Variants in VSIG10L observed in about 807,000 individuals in gnomAD.
VSIG10L encodes V-set and immunoglobulin domain-containing protein 10-like.
Under a neutral mutation model 67.3 loss-of-function variants are expected in VSIG10L, and 63 were observed. That is an observed-to-expected ratio of 0.94 (90% CI 0.76 to 1.15). VSIG10L has a LOEUF of 1.15. Ranked by LOEUF, VSIG10L falls within the 50% of genes most tolerant of loss-of-function variation. The pLI, the probability that VSIG10L is intolerant of heterozygous loss-of-function variation, is 0.00. For missense variants in VSIG10L, 1,050 were observed against 1,177.5 expected (o/e 0.89, Z 1.58); for synonymous variants, 499 against 524.9 (o/e 0.95, Z 0.67).
At position 51,340,274 on chromosome 19, in the gene VSIG10L, C is replaced by G; in HGVS notation, c.1215G>C (p.Thr405=). The change falls in exon 4 of 10, where the codon ACG becomes ACC. Residue 405 remains threonine (T), a synonymous_variant. Transcript: ENST00000335624. This position sits in a 1 kb window ranked among gnomAD's most constrained non-coding sequence, Gnocchi z 6.3. ...VFYGPDPPTI[T]VSSDRDAAPA... Reference sequence around the variant, plus strand: ...GCGCGGCGTCGCGGTCCGAGGAGACCGTGATGGTCGGCGGGTCCGGGCCGT... The same window carrying G: ...GCGCGGCGTCGCGGTCCGAGGAGACGGTGATGGTCGGCGGGTCCGGGCCGT... 1 of 1,519,196 alleles carries G rather than the reference C, an allele frequency of 6.6e-7. No individual in the cohort carries two copies. The highest frequency in any genetic ancestry group is 8.8e-7 in the Non-Finnish European group (1 of 1,140,202). The allele number at this position is 1,519,196 out of a possible 1,614,324, so 94.1% of individuals were successfully genotyped here. A position where few individuals can be genotyped will look rare whatever the true frequency, so the allele number is the denominator to read the frequency against.
In VSIG10L at chr19:51,342,005, A is replaced by G; in HGVS notation, c.43T>C (p.Ser15Pro). The change falls in exon 2 of 10, where the codon TCC becomes CCC. Residue 15 changes from serine (S) to proline (P), a missense_variant and splice_region_variant. Ser to Pro is a moderately conservative substitution (Grantham distance 74). Coordinates refer to ENST00000335624, the MANE Select transcript of VSIG10L (RefSeq NM_001163922.3). This position sits in a 1 kb window ranked among gnomAD's most constrained non-coding sequence, Gnocchi z 4.4. ...QALPLFLLLASLVGILTLRAS... is the reference protein window; with the variant it reads ...QALPLFLLLAPLVGILTLRAS... ...CTGAGGGTGAGGATCCCTACCAAGGAGGCTGCAGAGAAGAGAGGAAGGCAT... is the reference window on the plus strand; with the variant it reads ...CTGAGGGTGAGGATCCCTACCAAGGGGGCTGCAGAGAAGAGAGGAAGGCAT... The G allele has an allele frequency of 6.4e-7, 1 of 1,551,714 alleles. No homozygotes were observed. The highest frequency in any genetic ancestry group is 8.7e-7 in the Non-Finnish European group (1 of 1,146,978).
Position 51,339,049 on chromosome 19 carries a change from G to A in VSIG10L, c.1568C>T (p.Ala523Val). The A allele has an allele frequency of 7.4e-7, 1 of 1,346,502 alleles. No homozygotes were observed. Among genetic ancestry groups the A allele is most frequent in the Non-Finnish European group, 9.6e-7 (1 of 1,041,266 alleles). 83.4% of individuals were successfully genotyped at this position (1,346,502 alleles called of 1,614,324 possible). ...FRCSWPGGAP[A>V]ASLQFQGLPE... Reference sequence around the variant, plus strand: ...GAGACCCTGGAACTGCAGGGAGGCAGCAGGGGCCCCGCCGGGCCACGAGCA... The same window carrying A: ...GAGACCCTGGAACTGCAGGGAGGCAACAGGGGCCCCGCCGGGCCACGAGCA... The change falls in exon 5 of 10, where the codon GCT becomes GTT. Residue 523 changes from alanine to valine, a missense_variant. This residue lies in a region of VSIG10L where 529 missense variants were observed against 584.9 expected (regional missense o/e 0.90). Transcript: ENST00000335624.
In VSIG10L at chr19:51,338,198, T is replaced by C; in HGVS notation, c.1740A>G (p.Arg580=). The C allele has an allele frequency of 1.4e-6, 2 of 1,469,016 alleles. No homozygotes were observed. Among genetic ancestry groups the C allele is most frequent in the Non-Finnish European group, 1.8e-6 (2 of 1,109,028 alleles). 91.0% of individuals were successfully genotyped at this position (1,469,016 alleles called of 1,614,324 possible). A position where few individuals can be genotyped will look rare whatever the true frequency, so the allele number is the denominator to read the frequency against. The part of the protein sequence containing the change: ...RTCTVTPEAP[R]EVLLHPLVAE... ...CCACCAGCGGATGCAGCAGCACCTC[T>C]CGGGGGGCCTCTGCCGGTGGGAGAA... The change falls in exon 6 of 10, where the codon CGA becomes CGG. Residue 580 remains arginine (R), a synonymous_variant. Transcript: ENST00000335624.
At chr19:51,337,858 G>A (rs973642792) in intron 6 of VSIG10L, 72 bp downstream of exon 6, 8 of 1,468,748 alleles carry the variant, frequency 5.4e-6, no homozygotes, top group Non-Finnish European at 7.2e-6. Context: ...TCTGGGGCCT[G>A]AACTTCTGGG....
At chr19:51,334,647 T>C (rs1985440193) in intron 7 of VSIG10L, among the ~76,000 whole-genome samples, 2 of 152,122 alleles carry the variant, frequency 1.3e-5, no homozygotes, top group Admixed American at 6.5e-5. Context: ...AGTGATGTGA[T>C]AGAGATAATG....
At position 51,340,676 on chromosome 19, in the gene VSIG10L, C is replaced by G; in HGVS notation, c.946G>C (p.Gly316Arg). 2 of 1,527,906 alleles carry G rather than the reference C, an allele frequency of 1.3e-6. No homozygotes were observed. The highest frequency in any genetic ancestry group is 2.5e-5 in the East Asian group (1 of 40,734). The allele number at this position is 1,527,906 out of a possible 1,614,324, so 94.6% of individuals were successfully genotyped here. Residue 316 changes from glycine (G) to arginine (R), a missense_variant, in exon 3 of 10, where the codon GGG becomes CGG. By Grantham distance (125) the Gly-to-Arg change is moderately radical. This residue lies in a region of VSIG10L where 511 missense variants were observed against 557.9 expected (regional missense o/e 0.92). Transcript: ENST00000335624. This position sits in a 1 kb window ranked among gnomAD's most constrained non-coding sequence, Gnocchi z 6.3. ...CAGCGCAGCCGGAGCTCGGCCGCCCCCTCCTCTGTCTCTGGAGCCTTGGGC... is the reference window on the plus strand; with the variant it reads ...CAGCGCAGCCGGAGCTCGGCCGCCCGCTCCTCTGTCTCTGGAGCCTTGGGC... ...VQPKAPETEE[G>R]AAELRLRCLG...
In VSIG10L at chr19:51,331,904, C is replaced by T. The variant is rs987754911; in HGVS notation, c.*707G>A. ...ACTAAGGGAGGGGTAAGGGAACGGT[C>T]GTCTAAGATGGTAACTGCTACTCTT... On this transcript the variant is annotated 3_prime_UTR_variant, in exon 10 of 10. Coordinates refer to ENST00000335624, the MANE Select transcript of VSIG10L (RefSeq NM_001163922.3). The T allele has an allele frequency of 3.3e-5, 5 of 152,174 alleles. No individual in the cohort carries two copies. Among genetic ancestry groups the T allele is most frequent in the African/African-American group, 4.8e-5 (2 of 41,384 alleles). The allele number at this position is 152,174 out of a possible 1,614,324, so 9.4% of individuals were successfully genotyped here. A position where few individuals can be genotyped will look rare whatever the true frequency, so the allele number is the denominator to read the frequency against.
At position 51,337,546 on chromosome 19, in the gene VSIG10L, TG is replaced by T; in HGVS notation, c.2009-13del. 2 of 1,102,948 alleles carry T rather than the reference TG, an allele frequency of 1.8e-6. No homozygotes were observed. The highest frequency in any genetic ancestry group is 1.1e-6 in the Non-Finnish European group (1 of 885,670). The allele number at this position is 1,102,948 out of a possible 1,614,324, so 68.3% of individuals were successfully genotyped here. On this transcript the variant is annotated splice_polypyrimidine_tract_variant and intron_variant, in intron 6 of 9. Transcript: ENST00000335624. ...GGATATGGAGGGTCCTAGAGGGATG[TG>T]GGGGTGGCTGGATTCTTGGGTGCCA...
chr19:51,339,922 C>G, intron 4 of VSIG10L, 93 bp downstream of exon 4: 2 of 1,168,872 alleles, frequency 1.7e-6, no homozygotes, highest in Non-Finnish European at 2.1e-6. Flanking sequence ...TGCTGCTCCT[C>G]CTTGCTGGCC....
intron 5 of VSIG10L, 92 bp downstream of exon 5, chr19:51,338,796 C>T: frequency 7.8e-7 from 1 of 1,286,568 alleles, no homozygotes; most frequent in Non-Finnish European, 1.0e-6. Flanking sequence ...GGACTAAGGA[C>T]GTACCCCATA....
In VSIG10L at chr19:51,341,408, T is replaced by C; in HGVS notation, c.640A>G (p.Ile214Val). 1 of 1,533,688 alleles carries C rather than the reference T, an allele frequency of 6.5e-7. No individual in the cohort carries two copies. The highest frequency in any genetic ancestry group is 8.8e-7 in the Non-Finnish European group (1 of 1,139,706). ...GTTIRLPLVP[I>V]PNPGPPTSLV... Reference sequence around the variant, plus strand: ...GAGGTGGGGGGCCCAGGGTTGGGGATTGGGACTAGGGGGAGCCGGATGGTG... The same window carrying C: ...GAGGTGGGGGGCCCAGGGTTGGGGACTGGGACTAGGGGGAGCCGGATGGTG... The change falls in exon 2 of 10, where the codon ATC becomes GTC. Residue 214 changes from isoleucine (I) to valine (V), a missense_variant. Around this residue, in one of 3 missense-constraint regions of VSIG10L, gnomAD observed 511 missense variants for 557.9 expected, o/e 0.92. Coordinates refer to ENST00000335624, the MANE Select transcript of VSIG10L (RefSeq NM_001163922.3).
intron 4 of VSIG10L, 142 bp from the exon 5 acceptor site, chr19:51,339,284 T>G: frequency 1.1e-6 from 1 of 912,744 alleles, no homozygotes; most frequent in Non-Finnish European, 1.4e-6. Context: ...TGCGATCCCG[T>G]TCCCTTTTCC....
At chr19:51,341,121 C>T (rs1012917508) in intron 2 of VSIG10L, 32 bp downstream of exon 2, 43 of 1,476,454 alleles carry the variant, frequency 2.9e-5, no homozygotes, top group Non-Finnish European at 3.6e-5. Context: ...CAGCCCCTGC[C>T]GCCTGCACGC....
chr19:51,333,781 CCA>C lies in VSIG10L; in HGVS notation c.2574+8_2574+9del. ...CGATTCCAGGAGGAAATGAGGGCAC[CCA>C]CACTCACTTGGTAGGCCCTAGTTGA... On this transcript the variant is annotated splice_region_variant and intron_variant, in intron 9 of 9. Coordinates refer to ENST00000335624, the MANE Select transcript of VSIG10L (RefSeq NM_001163922.3). 2.0e-6 allele frequency: 3 copies of C among 1,533,950 alleles called. No individual in the cohort carries two copies. Among genetic ancestry groups the C allele is most frequent in the Non-Finnish European group, 2.6e-6 (3 of 1,139,778 alleles).
rs1401695354 is a variant in VSIG10L at position 51,337,300 on chromosome 19, C to G, written c.2243G>C (p.Arg748Pro). ...CTGGCCCCCCAGGATGGGCAGGATC[C>G]GAAAGGTCCAGGTCCCTGGGTTCCG... ...PPRNPGTWTF[R>P]ILPILGGQPG... Residue 748 changes from arginine to proline, a missense_variant, in exon 7 of 10, where the codon CGG becomes CCG. This residue lies in a region of VSIG10L where 529 missense variants were observed against 584.9 expected (regional missense o/e 0.90). Transcript: ENST00000335624. 6.4e-7 allele frequency: 1 copy of G among 1,551,494 alleles called. No homozygotes were observed. Among genetic ancestry groups the G allele is most frequent in the Admixed American group, 2.0e-5 (1 of 50,994 alleles).
intron 7 of VSIG10L, 86 bp from the exon 8 acceptor site, chr19:51,334,390 G>T (rs1318702004): frequency 5.7e-6 from 7 of 1,220,258 alleles, no homozygotes; most frequent in Non-Finnish European, 8.0e-6. Flanking sequence ...TTTGTGCTGG[G>T]ACCCAGGAGT....
Position 51,341,922 on chromosome 19 carries a change from C to CT in VSIG10L, c.125dup (p.Ser43GlufsTer35), listed in dbSNP as rs1231208444. 3.9e-6 allele frequency: 6 copies of CT among 1,551,538 alleles called. No individual in the cohort carries two copies. The highest frequency in any genetic ancestry group is 3.3e-4 in the Middle Eastern group (2 of 6,012). ...CCACACCCAGCCCCTGGGAAGAGCT[C>CT]TTTGAGTCTGAAGAGAAGGCAGAGG... On this transcript the variant is annotated frameshift_variant, in exon 2 of 10. Transcript: ENST00000335624. LOFTEE classifies it high-confidence loss of function.
In VSIG10L at chr19:51,339,140, G is replaced by A; in HGVS notation, c.1477C>T (p.Leu493=). The A allele has an allele frequency of 1.5e-6, 2 of 1,293,742 alleles. No homozygotes were observed. The highest frequency in any genetic ancestry group is 2.0e-6 in the Non-Finnish European group (2 of 1,011,912). The allele number at this position is 1,293,742 out of a possible 1,614,324, so 80.1% of individuals were successfully genotyped here. Residue 493 remains leucine (L), a splice_region_variant and synonymous_variant, in exon 5 of 10, where the codon CTG becomes TTG. Coordinates refer to ENST00000335624, the MANE Select transcript of VSIG10L (RefSeq NM_001163922.3). ...GAGCACTGTGGGGCCCCGGGGGGCA[G>A]GTCTGCGGAGAGAAGGGAGAGAATG... ...RSLLNLTVAD[L]PPGAPQCSVE...
At chr19:51,341,120 C>T in intron 2 of VSIG10L, 33 bp downstream of exon 2, 3 of 1,475,234 alleles carry the variant, frequency 2.0e-6, no homozygotes, top group Non-Finnish European at 2.7e-6. Context: ...GCAGCCCCTG[C>T]CGCCTGCACG....
Sources: gnomAD v4.1 joint callset for allele counts (sites outside exome capture counted in the v4.1 genomes callset) on GRCh38, gnomAD v4.1.1 for gene constraint, gnomAD v4.1.1 regional missense constraint, Gnocchi (gnomAD v3.1) non-coding constraint, MANE v1.5 for transcripts, NCBI Gene and HGNC (gene_info 2026-07-23, HGNC 2026-07-21) for gene names.